The following EYA4 variants were observed in gnomAD, a reference collection of about 807,000 sequenced individuals.
EYA4 encodes protein phosphatase EYA4.
EYA4 carries 31 observed loss-of-function variants against 87.9 expected under a neutral mutation model. The observed-to-expected ratio is 0.35, with a 90% CI of 0.27 to 0.48. The LOEUF is 0.48. Ranked by LOEUF, EYA4 falls within the 20% of genes least tolerant of loss-of-function variation. EYA4 has a pLI of 0.99. For synonymous variants in EYA4, 263 were observed against 270.6 expected (o/e 0.97, Z 0.28); for missense variants, 678 against 761.4 (o/e 0.89, Z 1.29).
At position 133,530,122 on chromosome 6, in the gene EYA4, A is replaced by T. The variant is rs1206147306; in HGVS notation, c.*1317A>T. 2 of 985,120 alleles carry T rather than the reference A, an allele frequency of 2.0e-6. No homozygotes were observed. Among genetic ancestry groups the T allele is most frequent in the East Asian group, 2.3e-4 (2 of 8,828 alleles). 61.0% of individuals were successfully genotyped at this position (985,120 alleles called of 1,614,324 possible). ...ATGAGTCTATGAAAATTTTACCTAGAATATCATCATAAATTAAATTAGCAA... is the reference window on the plus strand; with the variant it reads ...ATGAGTCTATGAAAATTTTACCTAGTATATCATCATAAATTAAATTAGCAA... On this transcript the variant is annotated 3_prime_UTR_variant, in exon 20 of 20. Transcript: ENST00000355286.
chr6:133,454,925 A>G (rs1793773413), intron 5 of EYA4, among the ~76,000 whole-genome samples: 1 of 152,138 alleles, frequency 6.6e-6, no homozygotes, highest in Non-Finnish European at 1.5e-5. Flanking sequence ...GATCCTGCAT[A>G]CTAGAGCTAA....
chr6:133,286,796 G>A lies in EYA4; in HGVS notation c.33+11983G>A, dbSNP rs1014336639. On this transcript the variant is annotated intron_variant, in intron 2 of 19. Transcript: ENST00000355286. ...TTTTCATTTTTTCATTGCTTTGTTTGTAGATGTGATGTTTCTAGGCACTTC... is the reference window on the plus strand; with the variant it reads ...TTTTCATTTTTTCATTGCTTTGTTTATAGATGTGATGTTTCTAGGCACTTC... Among the ~76,000 whole-genome samples, 3 of 152,308 alleles carry A rather than the reference G, an allele frequency of 2.0e-5. No individual in the cohort carries two copies. The South Asian group carries it at 6.2e-4, about 32-fold the overall frequency.
chr6:133,251,694 G>A (rs529292128), intron 1 of EYA4, among the ~76,000 whole-genome samples: 52 of 152,230 alleles, frequency 3.4e-4, no homozygotes, highest in African/African-American at 1.2e-3. Flanking sequence ...TAGTGGCATC[G>A]CTGGATGCCA....
intron 1 of EYA4, among the ~76,000 whole-genome samples, chr6:133,251,096 G>A (rs777827302): frequency 7.2e-5 from 11 of 152,172 alleles, no homozygotes; most frequent in Non-Finnish European, 1.6e-4. Flanking sequence ...GGCCATTTAC[G>A]TTGTGCAGTA....
At chr6:133,466,526 C>G (rs75934561) in intron 10 of EYA4, among the ~76,000 whole-genome samples, 9,450 of 151,954 alleles carry the variant, frequency 0.062, 486 homozygotes, top group East Asian at 0.22. Flanking sequence ...CCTACTGGGA[C>G]AAACATACAA....
At chr6:133,314,500 T>C (rs1181768452) in intron 2 of EYA4, among the ~76,000 whole-genome samples, 1 of 152,166 alleles carries the variant, frequency 6.6e-6, no homozygotes, top group Non-Finnish European at 1.5e-5. Context: ...CTATTCATGG[T>C]GTAATTTGTG....
chr6:133,480,446 C>A (rs73544978), intron 11 of EYA4, among the ~76,000 whole-genome samples: 1 of 152,170 alleles, frequency 6.6e-6, no homozygotes, highest in Admixed American at 6.5e-5. Flanking sequence ...ACAGATATGC[C>A]GTCCAGTGCT....
intron 3 of EYA4, among the ~76,000 whole-genome samples, chr6:133,419,577 T>C (rs1473956722): frequency 1.3e-5 from 2 of 152,172 alleles, no homozygotes; most frequent in Non-Finnish European, 2.9e-5. Context: ...AATGAGATAA[T>C]TTTATCCTGT....
intron 2 of EYA4, among the ~76,000 whole-genome samples, chr6:133,368,186 TA>T (rs1188841096): frequency 3.3e-5 from 5 of 152,232 alleles, no homozygotes; most frequent in Non-Finnish European, 7.3e-5. Context: ...AGAAAAATTA[TA>T]GTTATTTGTA....
intron 3 of EYA4, among the ~76,000 whole-genome samples, chr6:133,424,615 C>T (rs866739789): frequency 4.6e-5 from 7 of 152,114 alleles, no homozygotes; most frequent in African/African-American, 1.7e-4. Flanking sequence ...CACAGCTGCA[C>T]CCAGAAGCTC....
chr6:133,332,448 T>C (rs1386607950), intron 2 of EYA4, among the ~76,000 whole-genome samples: 1 of 152,190 alleles, frequency 6.6e-6, no homozygotes, highest in Non-Finnish European at 1.5e-5. Context: ...GTCACCCCTG[T>C]GCCTTCTCCT....
rs3842093 is a variant in EYA4 at position 133,529,108 on chromosome 6, AC to A, written c.*306del. 0.39 allele frequency: 469,527 copies of A among 1,198,558 alleles called. 95,460 individuals carry two copies. The highest frequency in any genetic ancestry group is 0.65 in the East Asian group (11,964 of 18,418). The allele number at this position is 1,198,558 out of a possible 1,614,324, so 74.2% of individuals were successfully genotyped here. ...TGAGCAGCTTTAGCAAAGAACTCTT[AC>A]CCTGGCAAAGCAGCAACACACATGC... On this transcript the variant is annotated 3_prime_UTR_variant, in exon 20 of 20. Transcript: ENST00000355286.
intron 1 of EYA4, among the ~76,000 whole-genome samples, chr6:133,267,401 G>C (rs1351088852): frequency 6.7e-6 from 1 of 149,282 alleles, no homozygotes; most frequent in African/African-American, 2.5e-5. Flanking sequence ...TTTTTTTTGA[G>C]ACAGAGTCTC....
chr6:133,462,844 C>T, intron 9 of EYA4, 80 bp downstream of exon 9: 1 of 1,296,258 alleles, frequency 7.7e-7, no homozygotes, highest in South Asian at 1.2e-5. Context: ...TAGGAATATC[C>T]AATCATGAAG....
chr6:133,271,712 C>T (rs1394015208), intron 1 of EYA4, among the ~76,000 whole-genome samples: 1 of 152,132 alleles, frequency 6.6e-6, no homozygotes, highest in Non-Finnish European at 1.5e-5. Flanking sequence ...GTCCATGTTG[C>T]TGAGCCCATG....
chr6:133,254,780 C>T (rs1775206023), intron 1 of EYA4, among the ~76,000 whole-genome samples: 1 of 152,152 alleles, frequency 6.6e-6, no homozygotes, highest in African/African-American at 2.4e-5. Context: ...CTAACCCTTC[C>T]ATTTTGCAGA....
At chr6:133,341,951 G>A (rs1339824153) in intron 2 of EYA4, among the ~76,000 whole-genome samples, 3 of 152,090 alleles carry the variant, frequency 2.0e-5, no homozygotes, top group Non-Finnish European at 4.4e-5. Flanking sequence ...GTCAAATTCA[G>A]GATGAATTTT....
rs1368384338 is a variant in EYA4, at chr6:133,529,522, G to GAAAA, written c.*722_*725dup. 264 of 879,508 alleles carry GAAAA rather than the reference G, an allele frequency of 3.0e-4. No individual in the cohort carries two copies. The highest frequency in any genetic ancestry group is 2.6e-3 in the African/African-American group (118 of 45,036). The allele number at this position is 879,508 out of a possible 1,614,324, so 54.5% of individuals were successfully genotyped here. A position where few individuals can be genotyped will look rare whatever the true frequency, so the allele number is the denominator to read the frequency against. On this transcript the variant is annotated 3_prime_UTR_variant, in exon 20 of 20. Transcript: ENST00000355286. ...TTTGGTTAAAATCTCTGTAGATAAT[G>GAAAA]AAAAAAAACAAAAAAAAAAACCTTT...
chr6:133,359,978 T>A (rs1784336629), intron 2 of EYA4, among the ~76,000 whole-genome samples: 1 of 152,188 alleles, frequency 6.6e-6, no homozygotes, highest in Non-Finnish European at 1.5e-5. Flanking sequence ...GAAAGAACGC[T>A]ATGTACATCT....
Sources: allele counts gnomAD v4.1 joint callset (sites outside exome capture counted in the v4.1 genomes callset), GRCh38; gene constraint gnomAD v4.1.1; transcripts MANE v1.5; gene names NCBI Gene and HGNC (gene_info 2026-07-23, HGNC 2026-07-21).